DCDC2C: variants seen among roughly 807,000 people sequenced by gnomAD.
The protein encoded by DCDC2C is doublecortin domain containing 2C.
Under a neutral mutation model 45.0 loss-of-function variants are expected in DCDC2C, and 44 were observed. The ratio of observed to expected loss-of-function variants is 0.98; its 90% CI spans 0.77 to 1.26. The LOEUF (loss-of-function observed/expected upper bound fraction) is 1.26. Ranked by LOEUF, DCDC2C falls within the 50% of genes most tolerant of loss-of-function variation. The pLI is 0.00. For missense variants in DCDC2C, 447 were observed against 468.9 expected (o/e 0.95, Z 0.43); for synonymous variants, 187 against 178.8 (o/e 1.05, Z -0.37).
chr2:3,724,174 T>C (rs1343259624), intron 2 of DCDC2C, among the ~76,000 whole-genome samples: 2 of 152,180 alleles, frequency 1.3e-5, no homozygotes, highest in Non-Finnish European at 2.9e-5. Context: ...TGTAGCTGCT[T>C]CTCCAGACCA....
At chr2:3,789,809 T>C (rs1031984966) in intron 10 of DCDC2C, among the ~76,000 whole-genome samples, 1 of 152,242 alleles carries the variant, frequency 6.6e-6, no homozygotes, top group East Asian at 1.9e-4. Context: ...TTTTAGGCTT[T>C]GGTGTTTCAT....
At chr2:3,790,095 G>T (rs1670765265) in intron 10 of DCDC2C, among the ~76,000 whole-genome samples, 1 of 152,122 alleles carries the variant, frequency 6.6e-6, no homozygotes, top group South Asian at 2.1e-4. Context: ...ACTGACGAAG[G>T]GTCTTGAAGG....
chr2:3,746,261 C>T (rs957967514), intron 4 of DCDC2C, among the ~76,000 whole-genome samples: 13 of 152,120 alleles, frequency 8.5e-5, no homozygotes, highest in Admixed American at 3.3e-4. Flanking sequence ...AGAAGAGATG[C>T]GTGCTGTAAG....
intron 6 of DCDC2C, among the ~76,000 whole-genome samples, chr2:3,759,743 T>C (rs1669826725): frequency 6.6e-6 from 1 of 152,236 alleles, no homozygotes; most frequent in South Asian, 2.1e-4. Context: ...GTATTTTCGA[T>C]GTCAAGTCAA....
chr2:3,703,653 C>T lies in DCDC2C; in HGVS notation c.-99C>T, dbSNP rs1269430176. 2 of 1,140,446 alleles carry T rather than the reference C, an allele frequency of 1.8e-6. No homozygotes were observed. Among genetic ancestry groups the T allele is most frequent in the Non-Finnish European group, 2.2e-6 (2 of 911,312 alleles). 70.6% of individuals were successfully genotyped at this position (1,140,446 alleles called of 1,614,324 possible). ...CTGCGCCAGCGGCTGGAGCGGACCT[C>T]CCGTCGGCGGTGCCCGGGCCTGGGC... On this transcript the variant is annotated 5_prime_UTR_variant, in exon 1 of 11. Transcript: ENST00000399143. This position sits in a 1 kb window ranked among gnomAD's most constrained non-coding sequence, Gnocchi z 4.4.
intron 10 of DCDC2C, among the ~76,000 whole-genome samples, chr2:3,824,018 C>T (rs1406992296): frequency 6.6e-6 from 1 of 152,206 alleles, no homozygotes; most frequent in Non-Finnish European, 1.5e-5. Flanking sequence ...ATGGCATGTT[C>T]CAGTGAAATA....
intron 9 of DCDC2C, among the ~76,000 whole-genome samples, chr2:3,783,553 C>A (rs923916295): frequency 3.9e-5 from 6 of 152,262 alleles, no homozygotes; most frequent in African/African-American, 7.2e-5. Flanking sequence ...GAGTGACTTA[C>A]ATTTTCTGAA....
At chr2:3,820,311 A>T (rs1026020665) in intron 10 of DCDC2C, among the ~76,000 whole-genome samples, 8 of 152,106 alleles carry the variant, frequency 5.3e-5, no homozygotes, top group Non-Finnish European at 1.2e-4. Context: ...GTCAGGCAAG[A>T]GTTGAAGAGG....
chr2:3,755,437 A>G (rs1302922921), intron 6 of DCDC2C, among the ~76,000 whole-genome samples: 3 of 149,854 alleles, frequency 2.0e-5, no homozygotes, highest in Non-Finnish European at 4.4e-5. Flanking sequence ...GGAGGCATGC[A>G]TGTGTATGTA....
chr2:3,718,582 A>G (rs1668408285), intron 2 of DCDC2C, among the ~76,000 whole-genome samples: 1 of 152,162 alleles, frequency 6.6e-6, no homozygotes, highest in South Asian at 2.1e-4. Context: ...GCTCTCTGAG[A>G]AAGTCCAGGG....
chr2:3,739,018 G>A (rs1669115397), intron 3 of DCDC2C, among the ~76,000 whole-genome samples: 1 of 152,162 alleles, frequency 6.6e-6, no homozygotes, highest in Admixed American at 6.5e-5. Flanking sequence ...TGCTCAACCA[G>A]CAAATTTTAG....
Position 3,847,710 on chromosome 2 carries a change from C to T in DCDC2C, c.*527C>T, listed in dbSNP as rs959728919. ...GTATGTCCTCACTCAAATCTCATGTCGAATTGTAATCCCCATGTGTTGGAG... is the reference window on the plus strand; with the variant it reads ...GTATGTCCTCACTCAAATCTCATGTTGAATTGTAATCCCCATGTGTTGGAG... On this transcript the variant is annotated 3_prime_UTR_variant, in exon 11 of 11. Transcript: ENST00000399143. Among the ~76,000 whole-genome samples, 1 of 152,152 alleles carries T rather than the reference C, an allele frequency of 6.6e-6. No homozygotes were observed. Among genetic ancestry groups the T allele is most frequent in the Non-Finnish European group, 1.5e-5 (1 of 68,036 alleles).
intron 3 of DCDC2C, among the ~76,000 whole-genome samples, chr2:3,728,236 G>C (rs913732889): frequency 6.6e-6 from 1 of 152,184 alleles, no homozygotes; most frequent in Admixed American, 6.5e-5. Context: ...CCGAGAATTC[G>C]CCAAACTTGG....
intron 10 of DCDC2C, among the ~76,000 whole-genome samples, chr2:3,812,659 T>C (rs1671428905): frequency 6.6e-6 from 1 of 152,242 alleles, no homozygotes. Flanking sequence ...TCTAGCTCTT[T>C]TAACTGTGAT....
intron 6 of DCDC2C, among the ~76,000 whole-genome samples, chr2:3,760,269 C>G (rs945192607): frequency 1.3e-5 from 2 of 152,216 alleles, no homozygotes; most frequent in African/African-American, 4.8e-5. Flanking sequence ...AAAGAACTTG[C>G]ATTTGCACTG....
At chr2:3,723,685 G>C (rs1046395024) in intron 2 of DCDC2C, among the ~76,000 whole-genome samples, 2 of 152,144 alleles carry the variant, frequency 1.3e-5, no homozygotes, top group African/African-American at 4.8e-5. Context: ...GGATTGTCTC[G>C]GGGCAGGGGA....
At chr2:3,813,174 C>A (rs184789753) in intron 10 of DCDC2C, among the ~76,000 whole-genome samples, 1 of 151,392 alleles carries the variant, frequency 6.6e-6, no homozygotes. Flanking sequence ...CGGGTTCAAG[C>A]GATTCCCTTT....
At chr2:3,841,393 ATATTT>A (rs957954014) in intron 10 of DCDC2C, among the ~76,000 whole-genome samples, 2 of 149,614 alleles carry the variant, frequency 1.3e-5, no homozygotes, top group Non-Finnish European at 3.0e-5. Flanking sequence ...TTTTATATTA[ATATTT>A]TATATTATTT....
chr2:3,727,001 A>G lies in DCDC2C; in HGVS notation c.340-2A>G. The G allele has an allele frequency of 3.2e-6, 5 of 1,550,042 alleles. No individual in the cohort carries two copies. The highest frequency in any genetic ancestry group is 1.4e-5 in the African/African-American group (1 of 73,092). ...TCCCAGGTGTGTTTTTTCCTTTTTC[A>G]GATCAAACCAGTGGTGCATTGTGAT... On this transcript the variant is annotated splice_acceptor_variant, in intron 2 of 10. Transcript: ENST00000399143. LOFTEE classifies it high-confidence loss of function.
Sources: gnomAD v4.1 joint callset for allele counts (sites outside exome capture counted in the v4.1 genomes callset) on GRCh38, gnomAD v4.1.1 for gene constraint, Gnocchi (gnomAD v3.1) non-coding constraint, MANE v1.5 for transcripts, NCBI Gene and HGNC (gene_info 2026-07-23, HGNC 2026-07-21) for gene names.